The following CSMD1 variants were observed in gnomAD, a reference collection of about 807,000 sequenced individuals.
CSMD1 encodes CUB and sushi domain-containing protein 1.
A neutral mutation model predicts 417.5 loss-of-function variants in CSMD1; 213 were observed. The observed-to-expected ratio is 0.51, with a 90% CI of 0.46 to 0.57. The LOEUF (loss-of-function observed/expected upper bound fraction) is 0.57. Ranked by LOEUF, CSMD1 falls within the 20% of genes least tolerant of loss-of-function variation. The probability of loss-of-function intolerance (pLI) is 0.00; values close to 1 mark genes in which losing one functional copy is unlikely to be tolerated. For synonymous variants in CSMD1, 2,862 were observed against 1,736.8 expected (o/e 1.65, Z -16.11); for missense variants, 6,923 against 4,529.7 (o/e 1.53, Z -15.17).
chr8:3,834,372 C>G (rs1490959782), intron 5 of CSMD1, among the ~76,000 whole-genome samples: 1 of 152,072 alleles, frequency 6.6e-6, no homozygotes, highest in Non-Finnish European at 1.5e-5. Context: ...ACCTTGTCTG[C>G]AGTTAATCAA....
At chr8:3,770,873 T>A (rs1185565653) in intron 5 of CSMD1, among the ~76,000 whole-genome samples, 1 of 152,014 alleles carries the variant, frequency 6.6e-6, no homozygotes, top group Admixed American at 6.6e-5. Flanking sequence ...TAGCTCATAT[T>A]TTTTAGTCTC....
At chr8:4,608,323 G>A (rs1052361021) in intron 2 of CSMD1, among the ~76,000 whole-genome samples, 23 of 152,174 alleles carry the variant, frequency 1.5e-4, no homozygotes, top group African/African-American at 5.5e-4. Context: ...GGGTGAGGAG[G>A]CAACTACCCT....
At chr8:4,733,215 G>C (rs948799370) in intron 1 of CSMD1, among the ~76,000 whole-genome samples, 10 of 152,092 alleles carry the variant, frequency 6.6e-5, no homozygotes, top group Non-Finnish European at 1.5e-4. Context: ...TTCCAAAACA[G>C]ACTAATTCAA....
At chr8:4,679,410 T>A (rs546816616) in intron 1 of CSMD1, among the ~76,000 whole-genome samples, 27 of 152,340 alleles carry the variant, frequency 1.8e-4, no homozygotes, top group African/African-American at 6.5e-4. Flanking sequence ...CGAATTAAAA[T>A]AATAATTAAA....
chr8:3,284,204 T>G lies in CSMD1; in HGVS notation c.4093A>C (p.Thr1365Pro), dbSNP rs1584928228. The G allele has an allele frequency of 6.2e-7, 1 of 1,606,206 alleles. No individual in the cohort carries two copies. Residue 1365 changes from threonine to proline, a missense_variant, in exon 26 of 70, where the codon ACC becomes CCC. By Grantham distance (38) the Thr-to-Pro change is conservative. Transcript: ENST00000635120. ...AAGAAGTCGCTGTCGAACTGCAGGG[T>G]GAGTGAGTTGAAGGTGCTGTGGATG... ...EDIHSTFNSLTLQFDSDFFIS... is the reference protein window; with the variant it reads ...EDIHSTFNSLPLQFDSDFFIS...
chr8:4,125,829 C>T (rs1464629174), intron 3 of CSMD1, among the ~76,000 whole-genome samples: 1 of 152,174 alleles, frequency 6.6e-6, no homozygotes, highest in East Asian at 1.9e-4. Flanking sequence ...CCCCATCTTA[C>T]CTGGTGTCCA....
intron 1 of CSMD1, among the ~76,000 whole-genome samples, chr8:4,691,359 G>T (rs1483460406): frequency 6.6e-6 from 1 of 151,974 alleles, no homozygotes; most frequent in Non-Finnish European, 1.5e-5. Flanking sequence ...AAGTCACTGG[G>T]CCCACTCACC....
chr8:3,612,255 A>C (rs202191238), intron 8 of CSMD1, among the ~76,000 whole-genome samples: 1 of 144,908 alleles, frequency 6.9e-6, no homozygotes, highest in Non-Finnish European at 1.6e-5. Context: ...AAAAATACAC[A>C]GCAATTTTAA....
intron 5 of CSMD1, among the ~76,000 whole-genome samples, chr8:3,827,036 C>A (rs1240777970): frequency 6.6e-6 from 1 of 152,112 alleles, no homozygotes; most frequent in African/African-American, 2.4e-5. Context: ...CCCATCTTGG[C>A]CTTTTGAAGT....
chr8:3,711,313 G>A (rs539504283), intron 6 of CSMD1, among the ~76,000 whole-genome samples: 36 of 152,248 alleles, frequency 2.4e-4, no homozygotes, highest in Admixed American at 2.2e-3. Context: ...ATTGACTCTT[G>A]TGGAAGACGA....
At chr8:4,028,993 C>T (rs759129801) in intron 4 of CSMD1, among the ~76,000 whole-genome samples, 1 of 152,262 alleles carries the variant, frequency 6.6e-6, no homozygotes, top group Admixed American at 6.5e-5. Flanking sequence ...TCTCATCTTG[C>T]TCTGAAATAT....
At chr8:3,759,952 G>A (rs1215092995) in intron 5 of CSMD1, among the ~76,000 whole-genome samples, 1 of 150,116 alleles carries the variant, frequency 6.7e-6, no homozygotes, top group East Asian at 2.0e-4. Context: ...TAATGGTAGT[G>A]ATCAACCAAT....
chr8:3,034,054 A>G (rs1810512578), intron 50 of CSMD1, among the ~76,000 whole-genome samples: 2 of 152,132 alleles, frequency 1.3e-5, no homozygotes, highest in Admixed American at 6.5e-5. Context: ...TCCTTTTTCT[A>G]TCAGTGCTGC....
At chr8:3,656,953 G>C (rs1479277844) in intron 7 of CSMD1, among the ~76,000 whole-genome samples, 1 of 151,432 alleles carries the variant, frequency 6.6e-6, no homozygotes, top group Non-Finnish European at 1.5e-5. Context: ...AAAAATCAGA[G>C]ACTCACTTTG....
At chr8:4,930,638 C>G (rs1043683128) in intron 1 of CSMD1, among the ~76,000 whole-genome samples, 1 of 152,156 alleles carries the variant, frequency 6.6e-6, no homozygotes, top group African/African-American at 2.4e-5. Flanking sequence ...AAGACTGGTT[C>G]CTACCAAACC....
At chr8:3,444,358 A>T (rs1023064889) in intron 12 of CSMD1, among the ~76,000 whole-genome samples, 1 of 152,238 alleles carries the variant, frequency 6.6e-6, no homozygotes, top group African/African-American at 2.4e-5. Flanking sequence ...CAATTTTAGC[A>T]TCAACAAAGA....
Position 3,456,123 on chromosome 8 carries a change from T to A in CSMD1, c.1561+12589A>T, listed in dbSNP as rs912496582. On this transcript the variant is annotated intron_variant, in intron 12 of 69. Coordinates refer to ENST00000635120, the MANE Select transcript of CSMD1 (RefSeq NM_033225.6). ...GACCCTCAAAGCCAGGTGCAGGATA[T>A]AATCTCCTGGTGTGCCATTTGCTAA... 2.6e-5 allele frequency among the ~76,000 whole-genome samples: 4 copies of A among 152,326 alleles called. No homozygotes were observed. The East Asian group carries it at 7.7e-4, about 29-fold the overall frequency.
intron 2 of CSMD1, among the ~76,000 whole-genome samples, chr8:4,541,298 A>G (rs967043610): frequency 6.6e-5 from 10 of 152,132 alleles, no homozygotes; most frequent in African/African-American, 2.4e-4. Context: ...CGTGCTGATC[A>G]TAACTACCCC....
intron 3 of CSMD1, among the ~76,000 whole-genome samples, chr8:4,207,974 G>C (rs993085422): frequency 6.6e-6 from 1 of 152,044 alleles, no homozygotes; most frequent in Non-Finnish European, 1.5e-5. Context: ...ATTCATTATA[G>C]CATGAAATAG....
Sources: gnomAD v4.1 joint callset for allele counts (sites outside exome capture counted in the v4.1 genomes callset) on GRCh38, gnomAD v4.1.1 for gene constraint, MANE v1.5 for transcripts, NCBI Gene and HGNC (gene_info 2026-07-23, HGNC 2026-07-21) for gene names.